RFX1: variants seen among roughly 807,000 people sequenced by gnomAD.
The protein encoded by RFX1 is regulatory factor X1.
Under a neutral mutation model 119.6 loss-of-function variants are expected in RFX1, and 42 were observed. The observed-to-expected ratio is 0.35, with a 90% CI of 0.27 to 0.45. The LOEUF (loss-of-function observed/expected upper bound fraction) is 0.45, where lower values mean the gene tolerates loss of function less well. Among genes scored for constraint, RFX1 ranks in the 20% least tolerant of loss-of-function variants. The probability of loss-of-function intolerance (pLI) is 1.00; values close to 1 mark genes in which losing one functional copy is unlikely to be tolerated. For synonymous variants in RFX1, 628 were observed against 618.5 expected (o/e 1.02, Z -0.23); for missense variants, 1,118 against 1,368.1 (o/e 0.82, Z 2.88).
At chr19:13,989,654 G>A (rs1378100299) in intron 2 of RFX1, among the ~76,000 whole-genome samples, 2 of 152,202 alleles carry the variant, frequency 1.3e-5, no homozygotes, top group East Asian at 3.9e-4. Context: ...GGAGGGGAAG[G>A]AGCCTGCTCT....
chr19:14,004,433 G>C (rs757911295), intron 1 of RFX1, among the ~76,000 whole-genome samples: 57 of 152,234 alleles, frequency 3.7e-4, no homozygotes, highest in African/African-American at 1.3e-3. Context: ...ACTTGTACCC[G>C]GGAGGCGGAG....
rs760504381 is a variant in RFX1, at chr19:13,970,170, C to T, written c.1320G>A (p.Gln440=). 6.2e-6 allele frequency: 10 copies of T among 1,605,480 alleles called. No individual in the cohort carries two copies. Among genetic ancestry groups the T allele is most frequent in the Non-Finnish European group, 6.8e-6 (8 of 1,174,482 alleles). Residue 440 remains glutamine (Q), a synonymous_variant, in exon 10 of 21, where the codon CAG becomes CAA. Transcript: ENST00000254325. ...HTTRASPATV[Q]WLLDNYETAE... Reference sequence around the variant, plus strand: ...CCGTCTCATAGTTGTCCAGGAGCCACTGGACCTGGGGTGGGAGGGAGATGG... The same window carrying T: ...CCGTCTCATAGTTGTCCAGGAGCCATTGGACCTGGGGTGGGAGGGAGATGG...
chr19:13,984,386 G>A (rs1002906557), intron 2 of RFX1, among the ~76,000 whole-genome samples: 1 of 152,140 alleles, frequency 6.6e-6, no homozygotes, highest in African/African-American at 2.4e-5. Context: ...TGCCCTCTTG[G>A]AAAAACACTC....
At chr19:13,964,102 T>C (rs1176328923) in intron 16 of RFX1, 95 bp from the exon 17 acceptor site, 52 of 1,314,126 alleles carry the variant, frequency 4.0e-5, no homozygotes, top group Non-Finnish European at 5.1e-5. Context: ...GCCTGTTTCC[T>C]TTTTCCTAAA....
rs1974667674 is a variant in RFX1, at chr19:13,988,081, C to T, written c.320-4486G>A. On this transcript the variant is annotated intron_variant, in intron 2 of 20. Transcript: ENST00000254325. ...TTGCTCTGTTACTCAGGCTGGAGCG[C>T]AATGACATGATCTCGACTCACTGCA... 2.7e-5 allele frequency among the ~76,000 whole-genome samples: 4 copies of T among 149,840 alleles called. No homozygotes were observed. In the South Asian group the frequency reaches 8.4e-4, roughly 32 times the overall value.
chr19:13,993,925 G>A lies in RFX1; in HGVS notation c.-52-30C>T, dbSNP rs1219072880. On this transcript the variant is annotated intron_variant, in intron 1 of 20. Transcript: ENST00000254325. ...GGAAGAAAGACGGGGATGGGGGAGA[G>A]AAAAACAAAACAAAACAAAAGAAGG... The A allele has an allele frequency of 3.4e-6, 4 of 1,168,860 alleles. No homozygotes were observed. In the African/African-American group the frequency reaches 6.4e-5, roughly 19 times the overall value. The allele number at this position is 1,168,860 out of a possible 1,614,324, so 72.4% of individuals were successfully genotyped here. A position where few individuals can be genotyped will look rare whatever the true frequency, so the allele number is the denominator to read the frequency against.
At position 13,965,638 on chromosome 19, in the gene RFX1, G is replaced by C; in HGVS notation, c.2101C>G (p.Arg701Gly). 6.2e-7 allele frequency: 1 copy of C among 1,613,394 alleles called. No homozygotes were observed. ...LVEILIPDVL[R>G]PIPSALTQAI... ...GCCGAGCACTCACTGGGGATGGGCC[G>C]CAGCACGTCGGGAATGAGGATTTCC... is the stretch of plus-strand genomic sequence containing the variant. Residue 701 changes from arginine to glycine, a missense_variant, in exon 15 of 21, where the codon CGG becomes GGG. Arg to Gly is a moderately radical substitution (Grantham distance 125). Transcript: ENST00000254325. The surrounding 1 kb of genome is among the most constrained non-coding windows in gnomAD (Gnocchi z 4.7).
Position 13,990,273 on chromosome 19 carries a change from C to T in RFX1, c.319+3252G>A, listed in dbSNP as rs1182057830. ...AGCAGAGAGGACCACGGAGGGGCTG[C>T]GGGCGGTGGGCGGAGACCAGGGCAG... On this transcript the variant is annotated intron_variant, in intron 2 of 20. Coordinates refer to ENST00000254325, the MANE Select transcript of RFX1 (RefSeq NM_002918.5). This position sits in a 1 kb window ranked among gnomAD's most constrained non-coding sequence, Gnocchi z 4.1. Among the ~76,000 whole-genome samples, 4 of 152,028 alleles carry T rather than the reference C, an allele frequency of 2.6e-5. No individual in the cohort carries two copies. The highest frequency in any genetic ancestry group is 4.8e-5 in the African/African-American group (2 of 41,392).
chr19:13,988,171 CA>C (rs1974672789), intron 2 of RFX1, among the ~76,000 whole-genome samples: 1 of 152,114 alleles, frequency 6.6e-6, no homozygotes, highest in Non-Finnish European at 1.5e-5. Flanking sequence ...GTGCTACAGG[CA>C]CACGCCAACA....
intron 16 of RFX1, 128 bp from the exon 17 acceptor site, chr19:13,964,135 C>T: frequency 4.8e-6 from 5 of 1,045,230 alleles, no homozygotes; most frequent in Non-Finnish European, 6.7e-6. Flanking sequence ...TGCCTCGCTA[C>T]TTTTGTTGGG....
Position 13,968,663 on chromosome 19 carries a change from T to C in RFX1, c.1634A>G (p.Lys545Arg), listed in dbSNP as rs139000839. The change falls in exon 12 of 21, where the codon AAG becomes AGG. Residue 545 changes from lysine to arginine, a missense_variant. Transcript: ENST00000254325. This position sits in a 1 kb window ranked among gnomAD's most constrained non-coding sequence, Gnocchi z 5.5. The part of the protein sequence containing the change: ...SQKQRLKPIQ[K>R]MEGMTNGVAV... ...CACGCCGTTGGTCATGCCTTCCATCTTCTGGATGGGCTTGAGCCTGGAGTA... is the reference window on the plus strand; with the variant it reads ...CACGCCGTTGGTCATGCCTTCCATCCTCTGGATGGGCTTGAGCCTGGAGTA... 3,857 of 1,613,206 alleles carry C rather than the reference T, an allele frequency of 2.4e-3. 2 individuals carry two copies. Among genetic ancestry groups the C allele is most frequent in the Non-Finnish European group, 3.0e-3 (3,550 of 1,179,908 alleles).
chr19:13,966,994 C>A lies in RFX1; in HGVS notation c.1733-243G>T, dbSNP rs551401250. 6.6e-6 allele frequency among the ~76,000 whole-genome samples: 1 copy of A among 152,294 alleles called. No homozygotes were observed. The highest frequency in any genetic ancestry group is 2.4e-5 in the African/African-American group (1 of 41,570). Reference sequence around the variant, plus strand: ...GCCTGTCTGCTGAGTAACAGCACTGCACCAACCCTCAGGACGTGGGCCTCT... The same window carrying A: ...GCCTGTCTGCTGAGTAACAGCACTGAACCAACCCTCAGGACGTGGGCCTCT... On this transcript the variant is annotated intron_variant, in intron 12 of 20. Transcript: ENST00000254325. This position sits in a 1 kb window ranked among gnomAD's most constrained non-coding sequence, Gnocchi z 6.3.
At chr19:13,981,697 C>T (rs991569435) in intron 5 of RFX1, among the ~76,000 whole-genome samples, 6 of 152,252 alleles carry the variant, frequency 3.9e-5, no homozygotes, top group African/African-American at 1.2e-4. Flanking sequence ...AGACAGCATC[C>T]ACAGCCTGTC....
chr19:13,993,716 G>A lies in RFX1; in HGVS notation c.128C>T (p.Pro43Leu), dbSNP rs532643801. Residue 43 changes from proline (P) to leucine (L), a missense_variant, in exon 2 of 21, where the codon CCA (proline) becomes CTA (leucine). Pro to Leu is a moderately conservative substitution (Grantham distance 98). Coordinates refer to ENST00000254325, the MANE Select transcript of RFX1 (RefSeq NM_002918.5). ...PPPAAPQPPQ[P>L]PTAAATPQPQ... ...CTGAGGGGTGGCAGCAGCGGTGGGT[G>A]GCTGCGGGGGCTGGGGTGCCGCTGG... 1.9e-6 allele frequency: 3 copies of A among 1,578,830 alleles called. No individual in the cohort carries two copies. Among genetic ancestry groups the A allele is most frequent in the African/African-American group, 1.4e-5 (1 of 73,844 alleles).
chr19:13,967,040 CA>C (rs1259567858), intron 12 of RFX1, among the ~76,000 whole-genome samples: 1 of 152,152 alleles, frequency 6.6e-6, no homozygotes, highest in Non-Finnish European at 1.5e-5. Flanking sequence ...TGCAACACAG[CA>C]CCCACCTGGC....
rs1974491274 is a variant in RFX1, at chr19:13,983,359, T to G, written c.430-89A>C. 5 of 1,292,886 alleles carry G rather than the reference T, an allele frequency of 3.9e-6. No homozygotes were observed. The East Asian group carries it at 1.3e-4, about 33-fold the overall frequency. The allele number at this position is 1,292,886 out of a possible 1,614,324, so 80.1% of individuals were successfully genotyped here. A position where few individuals can be genotyped will look rare whatever the true frequency, so the allele number is the denominator to read the frequency against. Reference sequence around the variant, plus strand: ...GTGGCGGGCGGCTGCTGTGCACATCTTGATAAGAACAGGTGAGCAGATGGC... The same window carrying G: ...GTGGCGGGCGGCTGCTGTGCACATCGTGATAAGAACAGGTGAGCAGATGGC... On this transcript the variant is annotated intron_variant, in intron 3 of 20. Coordinates refer to ENST00000254325, the MANE Select transcript of RFX1 (RefSeq NM_002918.5).
Position 13,993,769 on chromosome 19 carries a change from G to T in RFX1, c.75C>A (p.Ala25=). ...PSQPPQAPPQ[A]QPQPPPPPPP... ...GTGGTGGCGGTGGCGGCTGGGGCTG[G>T]GCTTGTGGCGGGGCCTGTGGCGGCT... is the stretch of plus-strand genomic sequence containing the variant. The change falls in exon 2 of 21, where the codon GCC becomes GCA. Residue 25 remains alanine (A), a synonymous_variant. Coordinates refer to ENST00000254325, the MANE Select transcript of RFX1 (RefSeq NM_002918.5). 1 of 1,601,592 alleles carries T rather than the reference G, an allele frequency of 6.2e-7. No individual in the cohort carries two copies. The highest frequency in any genetic ancestry group is 1.7e-5 in the Admixed American group (1 of 58,738).
rs1056538138 is a variant in RFX1 at position 13,992,555 on chromosome 19, C to T, written c.319+970G>A. 4.6e-5 allele frequency among the ~76,000 whole-genome samples: 7 copies of T among 152,166 alleles called. No individual in the cohort carries two copies. The East Asian group carries it at 7.7e-4, about 17-fold the overall frequency. On this transcript the variant is annotated intron_variant, in intron 2 of 20. Coordinates refer to ENST00000254325, the MANE Select transcript of RFX1 (RefSeq NM_002918.5). The stretch of plus-strand genomic sequence containing the variant: ...CTGGATCCTGCCCAAAACAACAGGG[C>T]GGCTGCTCTAGGAAGGGGAGGTGAC...
At position 13,972,944 on chromosome 19, in the gene RFX1, G is replaced by A. The variant is rs1271897699; in HGVS notation, c.1113C>T (p.Ser371=). The change falls in exon 9 of 21, where the codon AGC becomes AGT. Residue 371 remains serine, a synonymous_variant. Transcript: ENST00000254325. ...TGCTGTTGCTGGCCCCAGCCCCAGT[G>A]CTGGTGGAGCTGGCGACGACCTGGC... ...SGSQVVASST[S]TGAGASNSSG... 1 of 1,599,148 alleles carries A rather than the reference G, an allele frequency of 6.3e-7. No individual in the cohort carries two copies. The highest frequency in any genetic ancestry group is 8.5e-7 in the Non-Finnish European group (1 of 1,179,390).
Sources: gnomAD v4.1 joint callset for allele counts (sites outside exome capture counted in the v4.1 genomes callset) on GRCh38, gnomAD v4.1.1 for gene constraint, Gnocchi (gnomAD v3.1) non-coding constraint, MANE v1.5 for transcripts, NCBI Gene and HGNC (gene_info 2026-07-23, HGNC 2026-07-21) for gene names.